KDM6B: variants seen among roughly 807,000 people sequenced by gnomAD.
KDM6B encodes lysine-specific demethylase 6B.
A neutral mutation model predicts 150.4 loss-of-function variants in KDM6B; 22 were observed. The ratio of observed to expected loss-of-function variants is 0.15; its 90% CI spans 0.10 to 0.21. The LOEUF (loss-of-function observed/expected upper bound fraction) is 0.21. KDM6B is among the 10% of genes least tolerant of loss of function. The pLI is 1.00. For missense variants in KDM6B, 1,984 were observed against 2,234.3 expected, an observed-to-expected ratio of 0.89 and a Z score of 2.26; for synonymous variants, 1,148 against 921.1, an observed-to-expected ratio of 1.25 and a Z score of -4.46.
intron 2 of KDM6B, among the ~76,000 whole-genome samples, chr17:7,841,759 C>T (rs2078418141): frequency 6.6e-6 from 1 of 152,212 alleles, no homozygotes; most frequent in Non-Finnish European, 1.5e-5. Flanking sequence ...CGGGCCGGGG[C>T]CGGCACCGTC....
Position 7,850,063 on chromosome 17 carries a change from A to G in KDM6B, c.3568-9A>G. The stretch of plus-strand genomic sequence containing the variant: ...GGCTCTGACCCCAGCTCTCCTGGTC[A>G]TGTCTCAGCTGGAGAGCAAACGGGA... On this transcript the variant is annotated splice_polypyrimidine_tract_variant and intron_variant, in intron 13 of 23. Transcript: ENST00000448097. 6.2e-7 allele frequency: 1 copy of G among 1,613,718 alleles called. No homozygotes were observed. Among genetic ancestry groups the G allele is most frequent in the Non-Finnish European group, 8.5e-7 (1 of 1,179,920 alleles).
Position 7,845,576 on chromosome 17 carries a change from C to T in KDM6B, c.22C>T (p.Pro8Ser). 1 of 1,614,154 alleles carries T rather than the reference C, an allele frequency of 6.2e-7. No individual in the cohort carries two copies. Among genetic ancestry groups the T allele is most frequent in the Non-Finnish European group, 8.5e-7 (1 of 1,180,026 alleles). The change falls in exon 5 of 24, where the codon CCA (proline) becomes TCA (serine). Residue 8 changes from proline (P) to serine (S), a missense_variant. This residue lies in a region of KDM6B where 337 missense variants were observed against 323.9 expected (regional missense o/e 1.04). Transcript: ENST00000448097. MHRAVDP[P>S]GARAAREAFA... ...CTGGATGCATCGGGCAGTGGACCCT[C>T]CAGGGGCCCGCGCTGCACGGGAAGC...
Position 7,847,005 on chromosome 17 carries a change from C to T in KDM6B, c.898C>T (p.Pro300Ser), listed in dbSNP as rs1381664350. Residue 300 changes from proline (P) to serine (S), a missense_variant, in exon 10 of 24, where the codon CCA (proline) becomes TCA (serine). By Grantham distance (74) the Pro-to-Ser change is moderately conservative (BLOSUM62 -1). Coordinates refer to ENST00000448097, the MANE Select transcript of KDM6B (RefSeq NM_001348716.2). ...CCCAGAGCGCAAGGGTTCAGCACCC[C>T]CAGAGCGCCAGGTGAGCCCCTGCCT... ...WGPERKGSAP[P>S]ERQEQRHSLP... The T allele has an allele frequency of 1.2e-6, 2 of 1,613,674 alleles. No individual in the cohort carries two copies. The highest frequency in any genetic ancestry group is 1.6e-4 in the Middle Eastern group (1 of 6,062).
Position 7,847,370 on chromosome 17 carries a change from G to A in KDM6B, c.1175G>A (p.Gly392Asp). Residue 392 changes from glycine (G) to aspartate (D), a missense_variant, in exon 11 of 24, where the codon GGC becomes GAC. Coordinates refer to ENST00000448097, the MANE Select transcript of KDM6B (RefSeq NM_001348716.2). ...CVPYAPSRPP[G>D]LPGTTTSSSS... ...CCTTACGCCCCTTCCCGGCCCCCTG[G>A]CCTCCCCGGCACCACCACCAGCAGC... 6.2e-7 allele frequency: 1 copy of A among 1,612,854 alleles called. No homozygotes were observed. The highest frequency in any genetic ancestry group is 1.7e-4 in the Middle Eastern group (1 of 6,060).
intron 1 of KDM6B, 61 bp from the exon 2 acceptor site, chr17:7,839,845 G>C (rs1421913241): frequency 6.6e-6 from 1 of 152,276 alleles, no homozygotes; most frequent in African/African-American, 2.4e-5. Flanking sequence ...GGGGGGCAGG[G>C]AGCCCAGGAA....
chr17:7,847,655 C>A lies in KDM6B; in HGVS notation c.1367C>A (p.Thr456Asn). The change falls in exon 12 of 24, where the codon ACT becomes AAT. Residue 456 changes from threonine to asparagine, a missense_variant. Around this residue, in one of 13 missense-constraint regions of KDM6B, gnomAD observed 1,379 missense variants for 1,275.6 expected, o/e 1.08. Coordinates refer to ENST00000448097, the MANE Select transcript of KDM6B (RefSeq NM_001348716.2). ...CCGTTCTTGGGGGCTCCCGCTGCCA[C>A]TCCCCACCTATCCCTGCCACCTGGA... is the stretch of plus-strand genomic sequence containing the variant. ...RKPFLGAPAA[T>N]PHLSLPPGPS... 6.2e-7 allele frequency: 1 copy of A among 1,609,968 alleles called. No homozygotes were observed. Among genetic ancestry groups the A allele is most frequent in the South Asian group, 1.1e-5 (1 of 90,780 alleles).
In KDM6B at chr17:7,845,797, C is replaced by T; in HGVS notation, c.138-75C>T. On this transcript the variant is annotated intron_variant, in intron 5 of 23. Coordinates refer to ENST00000448097, the MANE Select transcript of KDM6B (RefSeq NM_001348716.2). ...TCCTGTCATTCTGTGGGCTTCCGTG[C>T]ATCAGCCCCCTCCTGCCTAGGTAGG... The T allele has an allele frequency of 3.2e-6, 5 of 1,586,172 alleles. No individual in the cohort carries two copies. In the South Asian group the frequency reaches 5.5e-5, roughly 18 times the overall value.
Position 7,849,098 on chromosome 17 carries a change from A to G in KDM6B, c.2810A>G (p.Asp937Gly). The change falls in exon 12 of 24, where the codon GAC (aspartate) becomes GGC (glycine). Residue 937 changes from aspartate (D) to glycine (G), a missense_variant. Asp to Gly is a moderately conservative substitution (Grantham distance 94, BLOSUM62 -1). Coordinates refer to ENST00000448097, the MANE Select transcript of KDM6B (RefSeq NM_001348716.2). The part of the protein sequence containing the change: ...RVGRSATDPA[D>G]PVDTAEPADS... The stretch of plus-strand genomic sequence containing the variant: ...GGCCGGAGTGCCACTGACCCAGCCG[A>G]CCCAGTGGACACAGCAGAGCCAGCG... 1 of 1,612,406 alleles carries G rather than the reference A, an allele frequency of 6.2e-7. No individual in the cohort carries two copies. The highest frequency in any genetic ancestry group is 1.1e-5 in the South Asian group (1 of 91,058).
At chr17:7,851,834 C>A in intron 18 of KDM6B, 38 bp downstream of exon 18, 1 of 1,560,546 alleles carries the variant, frequency 6.4e-7, no homozygotes, top group Non-Finnish European at 8.7e-7. Context: ...GCTGGAAGCG[C>A]GAGAGGAGGG....
intron 2 of KDM6B, among the ~76,000 whole-genome samples, chr17:7,841,188 A>G (rs1371717257): frequency 6.6e-6 from 1 of 152,206 alleles, no homozygotes; most frequent in Non-Finnish European, 1.5e-5. Flanking sequence ...TACTTAATAC[A>G]GTGCCTGGCA....
rs375162097 is a variant in KDM6B at position 7,845,940 on chromosome 17, G to A, written c.206G>A (p.Gly69Glu). The A allele has an allele frequency of 9.9e-6, 16 of 1,613,946 alleles. No individual in the cohort carries two copies. The highest frequency in any genetic ancestry group is 1.4e-5 in the Non-Finnish European group (16 of 1,179,944). The change falls in exon 6 of 24, where the codon GGG becomes GAG. Residue 69 changes from glycine to glutamate, a missense_variant. Gly to Glu is a moderately conservative substitution (Grantham distance 98). Around this residue, in one of 13 missense-constraint regions of KDM6B, gnomAD observed 337 missense variants for 323.9 expected, o/e 1.04. Coordinates refer to ENST00000448097, the MANE Select transcript of KDM6B (RefSeq NM_001348716.2). ...CCCCCTTCACATGGCAGTAGTTCTG[G>A]GCACCCCAGCAAACCATATTATGCT... The part of the protein sequence containing the change: ...PLPPSHGSSS[G>E]HPSKPYYAPG...
In KDM6B at chr17:7,838,602, C is replaced by T. The variant is rs549621479; in HGVS notation, c.-387-1304C>T. Among the ~76,000 whole-genome samples the T allele has an allele frequency of 2.1e-4, 28 of 134,580 alleles. 1 individual carries two copies. The highest frequency in any genetic ancestry group is 4.2e-4 in the Non-Finnish European group (26 of 62,620). 88.3% of individuals were successfully genotyped at this position (134,580 alleles called of 152,430 possible). A position where few individuals can be genotyped will look rare whatever the true frequency, so the allele number is the denominator to read the frequency against. On this transcript the variant is annotated intron_variant, in intron 1 of 23. Coordinates refer to ENST00000448097, the MANE Select transcript of KDM6B (RefSeq NM_001348716.2). Reference sequence around the variant, plus strand: ...CTCTGTTGTCCAGACACCCCTCACACACCCTCTGACCCCCTAGGCTTCCCC... The same window carrying T: ...CTCTGTTGTCCAGACACCCCTCACATACCCTCTGACCCCCTAGGCTTCCCC...
rs1425715529 is a variant in KDM6B at position 7,849,011 on chromosome 17, G to A, written c.2723G>A (p.Arg908His). The change falls in exon 12 of 24, where the codon CGC (arginine) becomes CAC (histidine). Residue 908 changes from arginine to histidine, a missense_variant. This residue lies in a region of KDM6B where 1,379 missense variants were observed against 1,275.6 expected (regional missense o/e 1.08). Coordinates refer to ENST00000448097, the MANE Select transcript of KDM6B (RefSeq NM_001348716.2). ...CCACCCCTATCTCTGCCCCCTGCTCGCTCTGAGTCTGAGGTGCTAGAAGAG... is the reference window on the plus strand; with the variant it reads ...CCACCCCTATCTCTGCCCCCTGCTCACTCTGAGTCTGAGGTGCTAGAAGAG... The part of the protein sequence containing the change: ...PPPPLSLPPA[R>H]SESEVLEEIS... 1.8e-5 allele frequency: 27 copies of A among 1,538,452 alleles called. No homozygotes were observed. The highest frequency in any genetic ancestry group is 2.2e-5 in the South Asian group (2 of 88,932).
chr17:7,842,708 G>A (rs2078442675), intron 2 of KDM6B, among the ~76,000 whole-genome samples: 1 of 152,098 alleles, frequency 6.6e-6, no homozygotes, highest in South Asian at 2.1e-4. Flanking sequence ...GTGGTGAGCC[G>A]GTGTGTGGGC....
intron 13 of KDM6B, 46 bp from the exon 14 acceptor site, chr17:7,850,026 A>C: frequency 5.0e-6 from 8 of 1,613,256 alleles, no homozygotes; most frequent in Non-Finnish European, 6.8e-6. Context: ...GGGTGCTCTG[A>C]GCCTGGGCCA....
In KDM6B at chr17:7,845,925, A is replaced by G; in HGVS notation, c.191A>G (p.His64Arg). The stretch of plus-strand genomic sequence containing the variant: ...CTTCCTGCTCCCCTACCCCCTTCAC[A>G]TGGCAGTAGTTCTGGGCACCCCAGC... ...PPLPAPLPPS[H>R]GSSSGHPSKP... The change falls in exon 6 of 24, where the codon CAT becomes CGT. Residue 64 changes from histidine to arginine, a missense_variant. This residue lies in a region of KDM6B where 337 missense variants were observed against 323.9 expected (regional missense o/e 1.04). Transcript: ENST00000448097. 1 of 1,613,920 alleles carries G rather than the reference A, an allele frequency of 6.2e-7. No individual in the cohort carries two copies. Among genetic ancestry groups the G allele is most frequent in the African/African-American group, 1.3e-5 (1 of 74,980 alleles).
In KDM6B at chr17:7,849,913, G is replaced by C. The variant is rs144775064; in HGVS notation, c.3533G>C (p.Arg1178Pro). 20 of 1,613,524 alleles carry C rather than the reference G, an allele frequency of 1.2e-5. No homozygotes were observed. The highest frequency in any genetic ancestry group is 1.2e-4 in the African/African-American group (9 of 75,024). Residue 1178 changes from arginine to proline, a missense_variant, in exon 13 of 24, where the codon CGG (arginine) becomes CCG (proline). Coordinates refer to ENST00000448097, the MANE Select transcript of KDM6B (RefSeq NM_001348716.2). ...ATCAACACTGAGGAGAAGCTGCCCC[G>C]GGAAAAACTCAACCCCCCTACACCC... ...PKINTEEKLP[R>P]EKLNPPTPSI...
chr17:7,850,054 C>T lies in KDM6B; in HGVS notation c.3568-18C>T, dbSNP rs754549971. 2.5e-6 allele frequency: 4 copies of T among 1,613,450 alleles called. No individual in the cohort carries two copies. Among genetic ancestry groups the T allele is most frequent in the South Asian group, 1.1e-5 (1 of 91,090 alleles). The stretch of plus-strand genomic sequence containing the variant: ...CTGGGCCAGGGCTCTGACCCCAGCT[C>T]TCCTGGTCATGTCTCAGCTGGAGAG... On this transcript the variant is annotated intron_variant, in intron 13 of 23. Coordinates refer to ENST00000448097, the MANE Select transcript of KDM6B (RefSeq NM_001348716.2).
At chr17:7,834,460 T>C (rs1217451589) in intron 1 of KDM6B, among the ~76,000 whole-genome samples, 110 bp downstream of exon 1, 1 of 151,910 alleles carries the variant, frequency 6.6e-6, no homozygotes, top group African/African-American at 2.4e-5. Flanking sequence ...GTTTGGGTCT[T>C]GGGAAGGGCA....
Sources: allele counts gnomAD v4.1 joint callset (sites outside exome capture counted in the v4.1 genomes callset), GRCh38; gene constraint gnomAD v4.1.1; regional missense constraint gnomAD v4.1.1; transcripts MANE v1.5; gene names NCBI Gene and HGNC (gene_info 2026-07-23, HGNC 2026-07-21).